Variants in PHF21B observed in about 807,000 individuals in gnomAD.
The protein encoded by PHF21B is PHD finger protein 4.
A neutral mutation model predicts 62.2 loss-of-function variants in PHF21B; 22 were observed. The observed-to-expected ratio is 0.35, with a 90% CI of 0.25 to 0.51. PHF21B has a LOEUF of 0.51. Among genes scored for constraint, PHF21B ranks in the 20% least tolerant of loss-of-function variants. The pLI, the probability that PHF21B is intolerant of heterozygous loss-of-function variation, is 0.97. For missense variants in PHF21B, 701 were observed against 707.9 expected (o/e 0.99, Z 0.11); for synonymous variants, 341 against 314.7 (o/e 1.08, Z -0.88).
intron 2 of PHF21B, among the ~76,000 whole-genome samples, chr22:44,969,432 A>G (rs536632086): frequency 2.0e-5 from 3 of 152,266 alleles, no homozygotes. Flanking sequence ...TTGGGAGGCC[A>G]AGGCGGGCGG....
chr22:44,948,691 GAAA>G (rs143726909), intron 2 of PHF21B, among the ~76,000 whole-genome samples: 3 of 126,808 alleles, frequency 2.4e-5, no homozygotes, highest in African/African-American at 2.9e-5. Flanking sequence ...ACTCTGTCTG[GAAA>G]AAAAAAAAAA....
chr22:44,892,967 G>A (rs953197868), intron 7 of PHF21B, among the ~76,000 whole-genome samples: 10 of 152,094 alleles, frequency 6.6e-5, no homozygotes, highest in Admixed American at 1.3e-4. Flanking sequence ...GGGTATGGAC[G>A]CTCCAACTGG....
chr22:45,002,066 T>C (rs977903540), intron 2 of PHF21B: 4 of 152,228 alleles, frequency 2.6e-5, no homozygotes, highest in Non-Finnish European at 4.4e-5. Flanking sequence ...CCACCTTCCT[T>C]AGTAAAATTT....
At chr22:44,981,967 G>C (rs2072850371) in intron 2 of PHF21B, among the ~76,000 whole-genome samples, 1 of 152,256 alleles carries the variant, frequency 6.6e-6, no homozygotes, top group African/African-American at 2.4e-5. Flanking sequence ...TAGGGCCAGG[G>C]GGTTGCAGGA....
At chr22:44,892,244 G>A (rs1047983946) in intron 7 of PHF21B, among the ~76,000 whole-genome samples, 1 of 152,254 alleles carries the variant, frequency 6.6e-6, no homozygotes, top group Non-Finnish European at 1.5e-5. Flanking sequence ...TCAGGGGACA[G>A]AGCTTGCTCA....
intron 2 of PHF21B, among the ~76,000 whole-genome samples, chr22:44,968,191 G>A (rs1272939749): frequency 2.0e-5 from 3 of 152,096 alleles, no homozygotes; most frequent in Non-Finnish European, 2.9e-5. Flanking sequence ...CCTTGAGGGC[G>A]GAGTAGCTAC....
intron 2 of PHF21B, among the ~76,000 whole-genome samples, chr22:45,005,066 G>A (rs537375903): frequency 2.6e-5 from 4 of 152,240 alleles, no homozygotes; most frequent in Non-Finnish European, 4.4e-5. Context: ...TCGGAACTCC[G>A]AAGAGGGGAC....
At position 44,930,394 on chromosome 22, in the gene PHF21B, G is replaced by A. The variant is rs148875432; in HGVS notation, c.121-9904C>T. On this transcript the variant is annotated intron_variant, in intron 2 of 12. Coordinates refer to ENST00000313237, the MANE Select transcript of PHF21B (RefSeq NM_138415.5). The stretch of plus-strand genomic sequence containing the variant: ...AGAACATGTGGAGGCTTACTATAGG[G>A]CCCTTTGTATATTTTATAATAAATA... 3.3e-5 allele frequency among the ~76,000 whole-genome samples: 5 copies of A among 152,324 alleles called. No homozygotes were observed. In the East Asian group the frequency reaches 9.6e-4, roughly 29 times the overall value.
intron 5 of PHF21B, among the ~76,000 whole-genome samples, chr22:44,898,028 C>G (rs991066010): frequency 6.6e-6 from 1 of 152,128 alleles, no homozygotes; most frequent in Non-Finnish European, 1.5e-5. Context: ...AGGCTAGTCT[C>G]AAACTCTTGG....
intron 2 of PHF21B, chr22:44,989,515 C>T (rs574107596): frequency 6.6e-6 from 1 of 151,902 alleles, no homozygotes; most frequent in Non-Finnish European, 1.5e-5. Context: ...AAATCAGTCC[C>T]CTGCTCACTA....
At chr22:44,999,719 C>T (rs1053314158) in intron 2 of PHF21B, among the ~76,000 whole-genome samples, 4 of 152,066 alleles carry the variant, frequency 2.6e-5, no homozygotes, top group East Asian at 1.9e-4. Flanking sequence ...GTTAAGGTCA[C>T]GAAGCTGGGC....
intron 2 of PHF21B, among the ~76,000 whole-genome samples, chr22:44,940,903 G>C (rs1339545530): frequency 6.6e-6 from 1 of 152,170 alleles, no homozygotes; most frequent in African/African-American, 2.4e-5. Flanking sequence ...GTGGGGCTGT[G>C]GAGGTGAGTG....
intron 2 of PHF21B, among the ~76,000 whole-genome samples, chr22:45,003,893 T>C (rs1479405782): frequency 2.0e-5 from 3 of 152,210 alleles, no homozygotes; most frequent in African/African-American, 7.2e-5. Context: ...CACAAAAAGA[T>C]GTAAATATAT....
intron 2 of PHF21B, among the ~76,000 whole-genome samples, chr22:44,935,634 A>C (rs905473036): frequency 6.6e-6 from 1 of 151,764 alleles, no homozygotes; most frequent in Non-Finnish European, 1.5e-5. Flanking sequence ...AAACAAACAA[A>C]AAAAAAACAG....
intron 2 of PHF21B, among the ~76,000 whole-genome samples, chr22:44,944,986 G>A (rs934115186): frequency 2.6e-5 from 3 of 113,434 alleles, no homozygotes; most frequent in Admixed American, 2.6e-4. Context: ...TTACCTCTTA[G>A]GAGCACATGA....
chr22:44,918,654 C>T (rs1043661983), intron 3 of PHF21B, among the ~76,000 whole-genome samples: 3 of 152,230 alleles, frequency 2.0e-5, no homozygotes, highest in African/African-American at 4.8e-5. Context: ...TAGCTGGACC[C>T]GGCATGCACT....
chr22:44,906,736 C>T (rs1287989387), intron 5 of PHF21B, among the ~76,000 whole-genome samples: 1 of 152,176 alleles, frequency 6.6e-6, no homozygotes, highest in Non-Finnish European at 1.5e-5. Context: ...TCAGCTTCCT[C>T]GTCTGTAAAA....
intron 2 of PHF21B, chr22:45,000,692 T>C (rs946027735): frequency 6.6e-6 from 1 of 152,078 alleles, no homozygotes; most frequent in Non-Finnish European, 1.5e-5. Context: ...GCAGGCGGCG[T>C]AGTCAGCATA....
intron 2 of PHF21B, among the ~76,000 whole-genome samples, chr22:44,947,410 C>T (rs369298930): frequency 6.6e-6 from 1 of 152,204 alleles, no homozygotes; most frequent in Admixed American, 6.5e-5. Context: ...AGGAAGTGCC[C>T]GCTGGGCCTT....
Sources: gnomAD v4.1 joint callset for allele counts (sites outside exome capture counted in the v4.1 genomes callset) on GRCh38, gnomAD v4.1.1 for gene constraint, MANE v1.5 for transcripts, NCBI Gene and HGNC (gene_info 2026-07-23, HGNC 2026-07-21) for gene names.